GPC5: variants seen among roughly 807,000 people sequenced by gnomAD.
GPC5 encodes glypican 5.
A neutral mutation model predicts 53.9 loss-of-function variants in GPC5; 47 were observed. That is an observed-to-expected ratio of 0.87 (90% CI 0.69 to 1.11). The LOEUF is 1.11. GPC5 is among the 50% of genes most tolerant of loss of function. The pLI, the probability that GPC5 is intolerant of heterozygous loss-of-function variation, is 0.00. For synonymous variants in GPC5, 286 were observed against 263.3 expected, an observed-to-expected ratio of 1.09 and a Z score of -0.84; for missense variants, 748 against 713.1, an observed-to-expected ratio of 1.05 and a Z score of -0.56.
chr13:92,600,064 C>G (rs2139079073), intron 7 of GPC5, among the ~76,000 whole-genome samples: 1 of 152,280 alleles, frequency 6.6e-6, no homozygotes, highest in South Asian at 2.1e-4. Context: ...TGTTATTACT[C>G]TAGCTATCAT....
rs555284597 is a variant in GPC5, at chr13:92,102,738, AG to A, written c.1402-42091del. Among the ~76,000 whole-genome samples, 70 of 152,302 alleles carry A rather than the reference AG, an allele frequency of 4.6e-4. 1 individual carries two copies. The highest frequency in any genetic ancestry group is 1.6e-3 in the African/African-American group (65 of 41,570). On this transcript the variant is annotated intron_variant, in intron 6 of 7. Coordinates refer to ENST00000377067, the MANE Select transcript of GPC5 (RefSeq NM_004466.6). ...TATAAGTAAAGAACTGTATATATGT[AG>A]ATGTTAGTGTAGGGTTGTGTCATGA...
intron 7 of GPC5, among the ~76,000 whole-genome samples, chr13:92,439,842 C>T (rs1877474644): frequency 6.6e-6 from 1 of 152,054 alleles, no homozygotes; most frequent in African/African-American, 2.4e-5. Flanking sequence ...TCAGACCTCT[C>T]AGGATTCAGT....
chr13:92,543,957 T>C (rs1470042148), intron 7 of GPC5, among the ~76,000 whole-genome samples: 1 of 152,024 alleles, frequency 6.6e-6, no homozygotes, highest in Non-Finnish European at 1.5e-5. Context: ...TATTGGGCTA[T>C]ATTGCTTTGT....
chr13:91,530,832 G>A (rs555018403), intron 2 of GPC5, among the ~76,000 whole-genome samples: 1 of 152,234 alleles, frequency 6.6e-6, no homozygotes, highest in South Asian at 2.1e-4. Flanking sequence ...TATATTTAAA[G>A]TGTATGACTA....
At chr13:92,246,774 G>A (rs957548188) in intron 7 of GPC5, among the ~76,000 whole-genome samples, 6 of 152,088 alleles carry the variant, frequency 3.9e-5, no homozygotes, top group African/African-American at 1.4e-4. Context: ...TGTTCTGTTA[G>A]AGTTTATCAC....
chr13:92,179,254 A>C (rs1235935000), intron 7 of GPC5, among the ~76,000 whole-genome samples: 1 of 152,222 alleles, frequency 6.6e-6, no homozygotes, highest in Non-Finnish European at 1.5e-5. Flanking sequence ...TTCAATTAAA[A>C]GGAAAAAAAT....
At chr13:92,076,430 T>C (rs1339908668) in intron 6 of GPC5, among the ~76,000 whole-genome samples, 1 of 152,184 alleles carries the variant, frequency 6.6e-6, no homozygotes, top group Non-Finnish European at 1.5e-5. Context: ...TTTTGTTGAA[T>C]TGTTTTAAAT....
At chr13:92,450,460 GTGTGGAAT>G (rs1878015500) in intron 7 of GPC5, among the ~76,000 whole-genome samples, 1 of 152,132 alleles carries the variant, frequency 6.6e-6, no homozygotes, top group African/African-American at 2.4e-5. Flanking sequence ...ATGAGGTCAG[GTGTGGAAT>G]TTTTCACTTG....
chr13:91,935,492 T>C (rs926252059), intron 6 of GPC5, among the ~76,000 whole-genome samples: 1 of 151,960 alleles, frequency 6.6e-6, no homozygotes. Flanking sequence ...TTTCCAAATA[T>C]TGAATCTGCT....
rs71113743 is a variant in GPC5, at chr13:91,478,881, T to TTATATATATATATATATATATATA, written c.325+29980_325+29981insATATATATATATATATATATATAT. Reference sequence around the variant, plus strand: ...ATATACACACACATATATATACACATTATATATATATATATATATATGCAC... The same window carrying TTATATATATATATATATATATATA: ...ATATACACACACATATATATACACATTATATATATATATATATATATATATATATATATATATATATATATGCAC... On this transcript the variant is annotated intron_variant, in intron 2 of 7. Coordinates refer to ENST00000377067, the MANE Select transcript of GPC5 (RefSeq NM_004466.6). 2.8e-4 allele frequency among the ~76,000 whole-genome samples: 19 copies of TTATATATATATATATATATATATA among 67,514 alleles called. 1 individual carries two copies. Among genetic ancestry groups the TTATATATATATATATATATATATA allele is most frequent in the African/African-American group, 2.6e-4 (4 of 15,274 alleles). 44.3% of individuals were successfully genotyped at this position (67,514 alleles called of 152,430 possible).
chr13:92,120,709 A>T (rs750561722), intron 6 of GPC5, among the ~76,000 whole-genome samples: 3 of 152,248 alleles, frequency 2.0e-5, no homozygotes, highest in Non-Finnish European at 2.9e-5. Flanking sequence ...TTGTAATGTT[A>T]AAATTGTGTT....
At chr13:91,427,355 C>A (rs1328689746) in intron 1 of GPC5, among the ~76,000 whole-genome samples, 1 of 152,182 alleles carries the variant, frequency 6.6e-6, no homozygotes, top group East Asian at 1.9e-4. Context: ...CTGCCCAAGA[C>A]CATGGGATCC....
intron 7 of GPC5, among the ~76,000 whole-genome samples, chr13:92,749,463 C>T (rs1004213702): frequency 6.6e-6 from 1 of 151,982 alleles, no homozygotes; most frequent in South Asian, 2.1e-4. Flanking sequence ...TTTTATGTTT[C>T]ACAATAACTG....
intron 7 of GPC5, among the ~76,000 whole-genome samples, chr13:92,312,504 A>T (rs1276411011): frequency 6.6e-6 from 1 of 152,202 alleles, no homozygotes; most frequent in African/African-American, 2.4e-5. Context: ...TTTCATACAC[A>T]TTTGGACTAT....
At chr13:92,123,128 G>A (rs892982469) in intron 6 of GPC5, among the ~76,000 whole-genome samples, 1 of 152,148 alleles carries the variant, frequency 6.6e-6, no homozygotes, top group South Asian at 2.1e-4. Flanking sequence ...CACTGGCTGG[G>A]TGGGGTGGCT....
At chr13:91,642,944 A>C (rs993571871) in intron 2 of GPC5, among the ~76,000 whole-genome samples, 1 of 152,188 alleles carries the variant, frequency 6.6e-6, no homozygotes, top group Non-Finnish European at 1.5e-5. Flanking sequence ...AATCAGAATC[A>C]TGGTGGCAGA....
At chr13:92,345,480 C>A (rs1317706319) in intron 7 of GPC5, among the ~76,000 whole-genome samples, 3 of 152,084 alleles carry the variant, frequency 2.0e-5, no homozygotes, top group African/African-American at 7.2e-5. Flanking sequence ...TGCCCCAATC[C>A]CCCATGCCAC....
chr13:91,515,266 A>AT (rs57370973), intron 2 of GPC5, among the ~76,000 whole-genome samples: 27 of 152,124 alleles, frequency 1.8e-4, no homozygotes, highest in African/African-American at 3.6e-4. Context: ...AAACTTGTTC[A>AT]TTTTTTTTAA....
chr13:91,957,502 G>C (rs766277899), intron 6 of GPC5, among the ~76,000 whole-genome samples: 2 of 151,918 alleles, frequency 1.3e-5, no homozygotes, highest in Non-Finnish European at 2.9e-5. Flanking sequence ...AATTCAAAAA[G>C]GTCTTCTCTA....
Sources: allele counts gnomAD v4.1 joint callset (sites outside exome capture counted in the v4.1 genomes callset), GRCh38; gene constraint gnomAD v4.1.1; transcripts MANE v1.5; gene names NCBI Gene and HGNC (gene_info 2026-07-23, HGNC 2026-07-21).